Variants in PCDHA6 observed in about 807,000 individuals in gnomAD.
PCDHA6 encodes the protein protocadherin alpha-6.
PCDHA6 carries 55 observed loss-of-function variants against 60.3 expected under a neutral mutation model. The ratio of observed to expected loss-of-function variants is 0.91; its 90% confidence interval spans 0.73 to 1.14. PCDHA6 has a LOEUF of 1.14. Among genes scored for constraint, PCDHA6 ranks in the 50% most tolerant of loss-of-function variants. PCDHA6 has a pLI of 0.00. For missense variants in PCDHA6, 1,327 were observed against 1,256.5 expected, an observed-to-expected ratio of 1.06 and a Z score of -0.85; for synonymous variants, 652 against 557.9, an observed-to-expected ratio of 1.17 and a Z score of -2.38.
At chr5:140,851,449 A>G in intron 1 of PCDHA6, 2 of 913,694 alleles carry the variant, frequency 2.2e-6, no homozygotes, top group Middle Eastern at 5.7e-4. Flanking sequence ...GCTCCACTTT[A>G]GGAATCAAAT....
intron 1 of PCDHA6, chr5:140,836,937 G>T: frequency 2.1e-6 from 1 of 469,842 alleles, no homozygotes; most frequent in Non-Finnish European, 3.6e-6. Context: ...TAATACTATA[G>T]ATCAAAATCT....
chr5:140,853,241 T>C (rs1032355023), intron 1 of PCDHA6: 4 of 978,568 alleles, frequency 4.1e-6, no homozygotes, highest in Admixed American at 6.3e-5. Context: ...TCCTTCATAT[T>C]AATCTCTATT....
At chr5:140,978,800 TATC>T (rs1193658453) in intron 1 of PCDHA6, 146 bp from the exon 2 acceptor site, 56 of 1,480,550 alleles carry the variant, frequency 3.8e-5, no homozygotes, top group Admixed American at 1.1e-4. Context: ...TATATGTAGA[TATC>T]ATCATAGAGT....
chr5:140,967,676 G>A (rs1334899934), intron 1 of PCDHA6: 3 of 1,614,104 alleles, frequency 1.9e-6, no homozygotes, highest in African/African-American at 2.7e-5. Context: ...GTCGGACCGG[G>A]AGAGGCAGCT....
rs1582078645 is a variant in PCDHA6, at chr5:140,872,401, A to G, written c.2394+41916A>G. Among the ~76,000 whole-genome samples the G allele has an allele frequency of 2.0e-5, 3 of 152,246 alleles. No homozygotes were observed. In the East Asian group the frequency reaches 5.8e-4, roughly 29 times the overall value. ...CAGCTATTTGGGAGGCTGAGGCAGG[A>G]GAATTGCTTGAGCCCAAGAGTTCGA... On this transcript the variant is annotated intron_variant, in intron 1 of 3. Transcript: ENST00000529310.
rs782332920 is a variant in PCDHA6 at position 140,856,198 on chromosome 5, C to T, written c.2394+25713C>T. 1.9e-6 allele frequency: 3 copies of T among 1,597,984 alleles called. No homozygotes were observed. In the East Asian group the frequency reaches 6.7e-5, roughly 36 times the overall value. On this transcript the variant is annotated intron_variant, in intron 1 of 3. Transcript: ENST00000529310. ...CCTTCGTGGGCCGCATCGCGCAGGA[C>T]CTGGGGCTGGAGCTGGCGGAGCTGG...
rs1554144802 is a variant in PCDHA6, at chr5:140,850,697, T to G, written c.2394+20212T>G. ...TGCCCACCGAGGGCGAGTGCGCGCC[T>G]GGCAAGCCGACGCTGGTGTGTTCTA... On this transcript the variant is annotated intron_variant, in intron 1 of 3. Transcript: ENST00000529310. 18 of 1,596,928 alleles carry G rather than the reference T, an allele frequency of 1.1e-5. 1 individual carries two copies. The highest frequency in any genetic ancestry group is 3.4e-5 in the Admixed American group (2 of 59,142).
At chr5:140,886,852 G>T (rs1554182787) in intron 1 of PCDHA6, among the ~76,000 whole-genome samples, 1 of 146,470 alleles carries the variant, frequency 6.8e-6, no homozygotes, top group Non-Finnish European at 1.5e-5. Flanking sequence ...AAAAAAGAAA[G>T]GTCTTCCCAA....
At chr5:140,893,616 G>C (rs1431019657) in intron 1 of PCDHA6, among the ~76,000 whole-genome samples, 3 of 152,188 alleles carry the variant, frequency 2.0e-5, no homozygotes, top group African/African-American at 7.2e-5. Context: ...CATTTCTGAA[G>C]TATAGCTCTG....
chr5:140,925,084 AGGAAGGAAGGAAGGAAGGAAGGAG>A (rs1554202501), intron 1 of PCDHA6, among the ~76,000 whole-genome samples: 1 of 144,612 alleles, frequency 6.9e-6, no homozygotes, highest in Admixed American at 6.7e-5. Flanking sequence ...TCATCTGGAA[AGGAAGGAAGGAAGGAAGGAAGGAG>A]GGAAGGAAGG....
intron 1 of PCDHA6, chr5:140,876,539 C>G: frequency 6.2e-7 from 1 of 1,614,170 alleles, no homozygotes; most frequent in Non-Finnish European, 8.5e-7. Flanking sequence ...ACTTCACTGT[C>G]GCTCCCTGTG....
Position 140,848,921 on chromosome 5 carries a change from C to T in PCDHA6, c.2394+18436C>T. ...CAGCGACACAAAAGAATCTGTTCAT[C>T]GCGGAATCCAGGCCGCTTGACTCTC... On this transcript the variant is annotated intron_variant, in intron 1 of 3. Transcript: ENST00000529310. 3.7e-6 allele frequency: 6 copies of T among 1,607,754 alleles called. 1 individual carries two copies. Among genetic ancestry groups the T allele is most frequent in the Non-Finnish European group, 2.5e-6 (3 of 1,176,916 alleles).
chr5:140,936,200 T>C (rs906256264), intron 1 of PCDHA6, among the ~76,000 whole-genome samples: 4 of 152,322 alleles, frequency 2.6e-5, no homozygotes, highest in African/African-American at 7.2e-5. Context: ...GCCAAAGTTG[T>C]CTTTTTTATT....
At chr5:140,893,336 A>G (rs2063930718) in intron 1 of PCDHA6, among the ~76,000 whole-genome samples, 1 of 152,098 alleles carries the variant, frequency 6.6e-6, no homozygotes, top group Admixed American at 6.6e-5. Context: ...TGTTTTCCTT[A>G]GTGGCAGTGC....
Position 141,009,722 on chromosome 5 carries a change from G to T in PCDHA6, c.2638G>T (p.Gly880Cys), listed in dbSNP as rs552954748. 6.8e-6 allele frequency: 11 copies of T among 1,614,022 alleles called. No individual in the cohort carries two copies. The highest frequency in any genetic ancestry group is 9.3e-6 in the Non-Finnish European group (11 of 1,180,046). Residue 880 changes from glycine (G) to cysteine (C), a missense_variant, in exon 4 of 4, where the codon GGT becomes TGT. Gly to Cys is a radical substitution (Grantham distance 159). Transcript: ENST00000529310. ...CGGACCAGGCAACCCCAAACAATCC[G>T]GTCCCGGTGAGTTGCCCGACAAATT... ...KYGPGNPKQS[G>C]PGELPDKFII...
chr5:140,983,039 A>C (rs1554245052), intron 3 of PCDHA6, among the ~76,000 whole-genome samples: 1 of 152,036 alleles, frequency 6.6e-6, no homozygotes, highest in Non-Finnish European at 1.5e-5. Flanking sequence ...TTTCTCATGG[A>C]AGTGGAAAAT....
chr5:140,903,908 T>G (rs1248455998), intron 1 of PCDHA6, among the ~76,000 whole-genome samples: 2 of 152,242 alleles, frequency 1.3e-5, no homozygotes, highest in East Asian at 1.9e-4. Flanking sequence ...GTCAATGATG[T>G]GACTTCCTTG....
chr5:140,870,592 C>A (rs202164332), intron 1 of PCDHA6: 2 of 1,613,554 alleles, frequency 1.2e-6, no homozygotes, highest in African/African-American at 1.3e-5. Context: ...GGTGGAGCGG[C>A]GGTTGGGCGA....
chr5:140,999,751 G>A (rs1167424188), intron 3 of PCDHA6, among the ~76,000 whole-genome samples: 1 of 152,150 alleles, frequency 6.6e-6, no homozygotes, highest in Non-Finnish European at 1.5e-5. Flanking sequence ...TGGGTTCGCA[G>A]CACATGATGT....
Sources: allele counts gnomAD v4.1 joint callset (sites outside exome capture counted in the v4.1 genomes callset), GRCh38; gene constraint gnomAD v4.1.1; transcripts MANE v1.5; gene names NCBI Gene and HGNC (gene_info 2026-07-23, HGNC 2026-07-21).